DMD: variants seen among roughly 807,000 people sequenced by gnomAD.
DMD encodes the protein dystrophin, also known as mutant dystrophin.
A neutral mutation model predicts 330.1 loss-of-function variants in DMD; 63 were observed. The ratio of observed to expected loss-of-function variants is 0.19; its 90% CI spans 0.16 to 0.24. The LOEUF (loss-of-function observed/expected upper bound fraction) is 0.24. DMD is among the 10% of genes least tolerant of loss of function. The pLI is 1.00. For synonymous variants in DMD, 1,223 were observed against 959.8 expected (o/e 1.27, Z -5.07); for missense variants, 3,344 against 2,684.1 (o/e 1.25, Z -5.43).
At chrX:32,480,509 AATGTGTCTACGTGTGTATATACACAGT>A (rs1403678600) in intron 21 of DMD, among the ~76,000 whole-genome samples, 21 of 104,671 alleles carry the variant, frequency 2.0e-4, no homozygotes, top group African/African-American at 4.4e-4. Flanking sequence ...ATATACACAG[AATGTGTCTACGTGTGTATATACACAGT>A]ATGTGTCTAC....
At chrX:32,925,145 GTTTTTTT>G (rs777224221) in intron 2 of DMD, among the ~76,000 whole-genome samples, 24 of 48,531 alleles carry the variant, frequency 4.9e-4, no homozygotes, top group African/African-American at 1.8e-3. Flanking sequence ...AAAACTCTGG[GTTTTTTT>G]TTTTTTTTTT....
chrX:32,642,188 C>A (rs59854433), intron 11 of DMD, among the ~76,000 whole-genome samples: 3,103 of 111,608 alleles, frequency 0.028, 115 homozygotes, highest in African/African-American at 0.093. Context: ...TATTTATAAA[C>A]TCTCATATTA....
Position 32,364,673 on chromosome X carries a change from A to G in DMD, c.5063T>C (p.Val1688Ala), listed in dbSNP as rs753173718. 3 of 1,210,197 alleles carry G rather than the reference A, an allele frequency of 2.5e-6. No individual in the cohort carries two copies. Among genetic ancestry groups the G allele is most frequent in the Non-Finnish European group, 3.4e-6 (3 of 894,163 alleles). Reference sequence around the variant, plus strand: ...AATGATCCACTTTGTGATGTGGTCCACATTCTGGTCAAAAGTTTCCATGTG... The same window carrying G: ...AATGATCCACTTTGTGATGTGGTCCGCATTCTGGTCAAAAGTTTCCATGTG... ...QKHMETFDQNVDHITKWIIQA... is the reference protein window; with the variant it reads ...QKHMETFDQNADHITKWIIQA... The change falls in exon 36 of 79, where the codon GTG (valine) becomes GCG (alanine). Residue 1688 changes from valine to alanine, a missense_variant. By Grantham distance (64) the Val-to-Ala change is moderately conservative. Coordinates refer to ENST00000357033, the MANE Select transcript of DMD (RefSeq NM_004006.3).
At chrX:32,413,953 T>A (rs1169400814) in intron 29 of DMD, among the ~76,000 whole-genome samples, 2 of 110,374 alleles carry the variant, frequency 1.8e-5, no homozygotes, top group Non-Finnish European at 3.8e-5. Context: ...ACTCCTGACC[T>A]AAGATGATCC....
chrX:32,769,537 A>C (rs2073375375), intron 7 of DMD, among the ~76,000 whole-genome samples: 1 of 111,984 alleles, frequency 8.9e-6, no homozygotes, highest in Admixed American at 9.5e-5. Flanking sequence ...CTATTGTTTT[A>C]AGCTCCTTTC....
chrX:32,595,630 G>A (rs2055430092), intron 13 of DMD, 127 bp downstream of exon 13: 1 of 637,602 alleles, frequency 1.6e-6, no homozygotes, highest in African/African-American at 2.2e-5. Flanking sequence ...ATGAGTGTGT[G>A]TATATTGTAC....
chrX:32,777,285 G>GGGGGGGGGTGGGGGGGGGGGGA (rs2074274945), intron 7 of DMD, among the ~76,000 whole-genome samples: 1 of 52,735 alleles, frequency 1.9e-5, no homozygotes, highest in Non-Finnish European at 3.6e-5. Context: ...GTTGGGGGGG[G>GGGGGGGGGTGGGGGGGGGGGGA]AATCCTACCA....
chrX:31,677,139 G>A (rs1369961055), intron 53 of DMD, among the ~76,000 whole-genome samples: 2 of 110,673 alleles, frequency 1.8e-5, no homozygotes, highest in Non-Finnish European at 3.8e-5. Context: ...TATTTTAGGT[G>A]ATTAAAACAT....
At chrX:33,334,414 T>C (rs1004328400) in intron 1 of DMD, among the ~76,000 whole-genome samples, 1 of 111,085 alleles carries the variant, frequency 9.0e-6, no homozygotes, top group African/African-American at 3.3e-5. Flanking sequence ...TTCTTTATAG[T>C]CTAGAGATGA....
At chrX:31,215,231 G>A (rs2045291038) in intron 64 of DMD, among the ~76,000 whole-genome samples, 2 of 107,399 alleles carry the variant, frequency 1.9e-5, no homozygotes, top group African/African-American at 3.4e-5. Flanking sequence ...GTGAGCCACC[G>A]AGCCCAGCCG....
intron 11 of DMD, among the ~76,000 whole-genome samples, chrX:32,623,715 T>C (rs1369903852): frequency 9.1e-6 from 1 of 110,094 alleles, no homozygotes; most frequent in African/African-American, 3.3e-5. Flanking sequence ...TTTGTATAGA[T>C]GTGGTCTCCC....
intron 43 of DMD, among the ~76,000 whole-genome samples, chrX:32,249,990 T>A (rs370477183): frequency 1.3e-5 from 1 of 79,501 alleles, no homozygotes. Context: ...AATGTCCCAC[T>A]TTTTTTGCAT....
intron 44 of DMD, among the ~76,000 whole-genome samples, chrX:32,061,925 GA>G (rs1164135506): frequency 9.0e-6 from 1 of 111,293 alleles, no homozygotes; most frequent in Non-Finnish European, 1.9e-5. Flanking sequence ...AGAAGCACAT[GA>G]ACTCTTTATT....
intron 49 of DMD, among the ~76,000 whole-genome samples, chrX:31,828,837 A>G (rs375819258): frequency 7.5e-4 from 84 of 111,356 alleles, no homozygotes; most frequent in African/African-American, 2.3e-3. Flanking sequence ...AACTATTTCA[A>G]AAGATAAAGA....
intron 34 of DMD, among the ~76,000 whole-genome samples, chrX:32,371,235 C>T (rs1352432056): frequency 9.0e-6 from 1 of 111,475 alleles, no homozygotes; most frequent in Non-Finnish European, 1.9e-5. Context: ...CCAAAATAAA[C>T]GTGAAAAACA....
intron 16 of DMD, among the ~76,000 whole-genome samples, chrX:32,550,976 G>A (rs868496284): frequency 2.0e-4 from 22 of 110,576 alleles, no homozygotes; most frequent in Admixed American, 5.8e-4. Context: ...AATGAGTTCC[G>A]AAATTAAATT....
intron 1 of DMD, among the ~76,000 whole-genome samples, chrX:33,044,513 G>A (rs2094350253): frequency 8.9e-6 from 1 of 112,128 alleles, no homozygotes; most frequent in Admixed American, 9.5e-5. Flanking sequence ...GAACCAGTAA[G>A]ATGCACATTG....
chrX:32,935,229 C>T (rs180843019), intron 2 of DMD, among the ~76,000 whole-genome samples: 2,338 of 112,673 alleles, frequency 0.021, 34 homozygotes, highest in South Asian at 0.11. Context: ...CCGCCCATCT[C>T]GGCCTCCCAA....
At chrX:32,234,228 G>GA (rs1408724484) in intron 43 of DMD, among the ~76,000 whole-genome samples, 1 of 111,792 alleles carries the variant, frequency 8.9e-6, no homozygotes, top group Non-Finnish European at 1.9e-5. Context: ...GTTGGGTCAG[G>GA]AAAAGACAGA....
Sources: gnomAD v4.1 joint callset for allele counts (sites outside exome capture counted in the v4.1 genomes callset) on GRCh38, gnomAD v4.1.1 for gene constraint, MANE v1.5 for transcripts, NCBI Gene and HGNC (gene_info 2026-07-23, HGNC 2026-07-21) for gene names.